Variants in MCTP2 observed in about 807,000 individuals in gnomAD.
MCTP2 encodes multiple C2 and transmembrane domain containing 2, also known as multiple C2 and transmembrane domain-containing protein 2.
A neutral mutation model predicts 111.6 loss-of-function variants in MCTP2; 132 were observed. The ratio of observed to expected loss-of-function variants is 1.18; its 90% confidence interval spans 1.03 to 1.37. The LOEUF (loss-of-function observed/expected upper bound fraction) is 1.37, where lower values mean the gene tolerates loss of function less well. Ranked by LOEUF, MCTP2 falls within the 40% of genes most tolerant of loss-of-function variation. The probability of loss-of-function intolerance (pLI) is 0.00; values close to 1 mark genes in which losing one functional copy is unlikely to be tolerated. For synonymous variants in MCTP2, 395 were observed against 387.7 expected, an observed-to-expected ratio of 1.02 and a Z score of -0.22; for missense variants, 1,183 against 1,067.9, an observed-to-expected ratio of 1.11 and a Z score of -1.50.
chr15:94,254,313 T>G (rs6497181), intron 1 of MCTP2, among the ~76,000 whole-genome samples: 64,840 of 151,792 alleles, frequency 0.43, 14,178 homozygotes, highest in Middle Eastern at 0.57. Context: ...TGATCCCAGT[T>G]ACGTAGGGAT....
At chr15:94,401,700 C>T (rs967204642) in intron 16 of MCTP2, among the ~76,000 whole-genome samples, 200 bp from the exon 17 acceptor site, 8 of 152,174 alleles carry the variant, frequency 5.3e-5, no homozygotes, top group Non-Finnish European at 8.8e-5. Context: ...CGCTAAAATG[C>T]ATTTGATTCT....
intron 22 of MCTP2, 128 bp downstream of exon 22, chr15:94,476,921 G>A: frequency 1.6e-6 from 1 of 611,490 alleles, no homozygotes; most frequent in South Asian, 2.0e-5. Flanking sequence ...CCTTAAAGAG[G>A]CCTGGCTTGC....
Position 94,466,982 on chromosome 15 carries a change from TTG to T in MCTP2, c.2361-3345_2361-3344del, listed in dbSNP as rs893690020. Among the ~76,000 whole-genome samples, 16 of 152,318 alleles carry T rather than the reference TTG, an allele frequency of 1.1e-4. 1 individual carries two copies. The highest frequency in any genetic ancestry group is 7.8e-4 in the Admixed American group (12 of 15,288). The stretch of plus-strand genomic sequence containing the variant: ...GATATCAATAACTTTCTTTCCATAT[TTG>T]TGTGTTTTGTGCAATAACAATGAGA... On this transcript the variant is annotated intron_variant, in intron 20 of 22. Transcript: ENST00000357742.
intron 15 of MCTP2, 91 bp downstream of exon 15, chr15:94,399,153 T>C: frequency 5.7e-6 from 4 of 706,860 alleles, no homozygotes; most frequent in Non-Finnish European, 1.0e-5. Flanking sequence ...GTAAGATGTT[T>C]CAGAATTTTT....
intron 10 of MCTP2, among the ~76,000 whole-genome samples, chr15:94,363,965 T>G (rs2079062520): frequency 6.6e-6 from 1 of 152,102 alleles, no homozygotes; most frequent in Non-Finnish European, 1.5e-5. Context: ...AAGAGAGCAA[T>G]TTTTATAGGT....
intron 20 of MCTP2, among the ~76,000 whole-genome samples, chr15:94,467,834 G>T (rs987474321): frequency 2.0e-5 from 3 of 152,128 alleles, no homozygotes; most frequent in Non-Finnish European, 4.4e-5. Context: ...TCTGTTACAG[G>T]TTCTGCTGTG....
chr15:94,364,361 C>G (rs977555006), intron 10 of MCTP2, among the ~76,000 whole-genome samples: 4 of 152,086 alleles, frequency 2.6e-5, no homozygotes, highest in African/African-American at 9.7e-5. Flanking sequence ...GTACCCTACC[C>G]ATAAGACATA....
intron 22 of MCTP2, among the ~76,000 whole-genome samples, chr15:94,478,403 C>T (rs1395908454): frequency 6.6e-6 from 1 of 152,182 alleles, no homozygotes; most frequent in Admixed American, 6.5e-5. Context: ...GACAGTTTGC[C>T]ACTGGGGACT....
intron 4 of MCTP2, among the ~76,000 whole-genome samples, chr15:94,337,884 G>T (rs2077444944): frequency 6.6e-6 from 1 of 152,112 alleles, no homozygotes; most frequent in Non-Finnish European, 1.5e-5. Flanking sequence ...ACTTAATCTA[G>T]TAAGGCTTTT....
intron 11 of MCTP2, 142 bp from the exon 12 acceptor site, chr15:94,369,945 T>C: frequency 2.0e-6 from 1 of 495,386 alleles, no homozygotes; most frequent in Middle Eastern, 3.5e-4. Context: ...TCCTGTTATA[T>C]AATATATTTT....
intron 1 of MCTP2, among the ~76,000 whole-genome samples, chr15:94,251,167 G>C (rs954656279): frequency 2.0e-5 from 3 of 152,158 alleles, no homozygotes; most frequent in African/African-American, 7.2e-5. Context: ...GCCACAGTGA[G>C]GACAGGACCC....
Position 94,359,918 on chromosome 15 carries a change from G to A in MCTP2, c.1301+1306G>A, listed in dbSNP as rs550279146. On this transcript the variant is annotated intron_variant, in intron 10 of 22. Coordinates refer to ENST00000357742, the MANE Select transcript of MCTP2 (RefSeq NM_001385001.1). ...TTCAGTACCTGTGGAATGTTGCTCC[G>A]GTGTCTCTCAATATGGGTACCCTGT... is the stretch of plus-strand genomic sequence containing the variant. 6.6e-5 allele frequency among the ~76,000 whole-genome samples: 10 copies of A among 152,170 alleles called. No homozygotes were observed. In the South Asian group the frequency reaches 1.7e-3, roughly 25 times the overall value.
chr15:94,440,177 T>C lies in MCTP2; in HGVS notation c.2087T>C (p.Val696Ala). ...STLRSTIAFA[V>A]FLITVWNFEL... ...TATTCTTATTTGTCTTTCAATCAGG[T>C]ATTTTTGATCACTGTCTGGAATTTT... The change falls in exon 18 of 23, where the codon GTA becomes GCA. Residue 696 changes from valine (V) to alanine (A), a missense_variant and splice_region_variant. Val to Ala is a moderately conservative substitution (Grantham distance 64, BLOSUM62 0). Transcript: ENST00000357742. The C allele has an allele frequency of 1.9e-6, 3 of 1,613,932 alleles. No homozygotes were observed. The highest frequency in any genetic ancestry group is 2.5e-6 in the Non-Finnish European group (3 of 1,179,928).
chr15:94,291,164 TAA>T (rs2075012183), intron 1 of MCTP2, among the ~76,000 whole-genome samples: 2 of 152,098 alleles, frequency 1.3e-5, no homozygotes, highest in East Asian at 3.8e-4. Context: ...AAGAAAGTCA[TAA>T]AGAGAATGAC....
At chr15:94,467,873 C>G (rs943427667) in intron 20 of MCTP2, among the ~76,000 whole-genome samples, 3 of 151,982 alleles carry the variant, frequency 2.0e-5, no homozygotes, top group Admixed American at 2.0e-4. Context: ...TGGACCTATA[C>G]AAATGTAGAA....
intron 4 of MCTP2, among the ~76,000 whole-genome samples, chr15:94,328,051 A>G (rs1336896372): frequency 3.3e-5 from 5 of 152,080 alleles, no homozygotes; most frequent in African/African-American, 1.2e-4. Context: ...ATTGGCTTGA[A>G]TTAAATGTAG....
intron 1 of MCTP2, among the ~76,000 whole-genome samples, chr15:94,250,420 A>G (rs560207245): frequency 2.0e-5 from 3 of 152,312 alleles, no homozygotes; most frequent in African/African-American, 7.2e-5. Flanking sequence ...TGTCGTGAGC[A>G]CGTATTGAGG....
At chr15:94,378,574 C>T (rs917945021) in intron 12 of MCTP2, among the ~76,000 whole-genome samples, 5 of 152,104 alleles carry the variant, frequency 3.3e-5, no homozygotes, top group Non-Finnish European at 7.4e-5. Flanking sequence ...TGTCACTCAT[C>T]TTGTTTGCTC....
intron 14 of MCTP2, among the ~76,000 whole-genome samples, chr15:94,386,750 T>C (rs1276554378): frequency 1.3e-5 from 2 of 152,202 alleles, no homozygotes; most frequent in African/African-American, 4.8e-5. Context: ...AGACTCTCCT[T>C]GACAGTTTTC....
Sources: allele counts gnomAD v4.1 joint callset (sites outside exome capture counted in the v4.1 genomes callset), GRCh38; gene constraint gnomAD v4.1.1; transcripts MANE v1.5; gene names NCBI Gene and HGNC (gene_info 2026-07-23, HGNC 2026-07-21).